ZNF713: variants seen among roughly 807,000 people sequenced by gnomAD.
The protein encoded by ZNF713 is zinc finger protein 713.
ZNF713 carries 21 observed loss-of-function variants against 28.7 expected under a neutral mutation model. That is an observed-to-expected ratio of 0.73 (90% CI 0.52 to 1.05). ZNF713 has a LOEUF of 1.05. Ranked by LOEUF, ZNF713 falls within the 50% of genes least tolerant of loss-of-function variation. ZNF713 has a pLI of 0.00. For synonymous variants in ZNF713, 167 were observed against 178.0 expected, an observed-to-expected ratio of 0.94 and a Z score of 0.49; for missense variants, 458 against 532.4, an observed-to-expected ratio of 0.86 and a Z score of 1.37.
chr7:55,920,973 G>A (rs1304482139), intron 4 of ZNF713, among the ~76,000 whole-genome samples: 1 of 152,020 alleles, frequency 6.6e-6, no homozygotes. Context: ...TCAGAAGACA[G>A]GCTGACTTCT....
chr7:55,929,147 A>G (rs999800671), intron 6 of ZNF713, among the ~76,000 whole-genome samples: 1 of 152,078 alleles, frequency 6.6e-6, no homozygotes, highest in Non-Finnish European at 1.5e-5. Flanking sequence ...AAAATAAAAA[A>G]CGTGCCTACA....
In ZNF713 at chr7:55,940,368, C is replaced by A. The variant is rs1183961791; in HGVS notation, c.*362C>A. 7.1e-6 allele frequency: 6 copies of A among 847,656 alleles called. No homozygotes were observed. The highest frequency in any genetic ancestry group is 7.1e-6 in the Non-Finnish European group (5 of 701,084). The allele number at this position is 847,656 out of a possible 1,614,324, so 52.5% of individuals were successfully genotyped here. ...CGAACTCCTAACCTCAGGTGATCCG[C>A]CCACCTCGGCCTCCCAAAGTGCTGG... On this transcript the variant is annotated 3_prime_UTR_variant, in exon 7 of 7. Transcript: ENST00000429591.
rs1785789689 is a variant in ZNF713, at chr7:55,911,846, C to G, written c.-225C>G. ...TGGCTATCCATTGGCTCCTGAGGCT[C>G]TAATCAGAGATGGGGCACCTTTAGT... On this transcript the variant is annotated 5_prime_UTR_variant, in exon 3 of 7. Transcript: ENST00000429591. 1 of 152,184 alleles carries G rather than the reference C, an allele frequency of 6.6e-6. No homozygotes were observed. The highest frequency in any genetic ancestry group is 2.1e-4 in the South Asian group (1 of 4,836). 9.4% of individuals were successfully genotyped at this position (152,184 alleles called of 1,614,324 possible).
chr7:55,901,284 ACT>A (rs1785571558), intron 1 of ZNF713, among the ~76,000 whole-genome samples: 1 of 151,724 alleles, frequency 6.6e-6, no homozygotes, highest in Non-Finnish European at 1.5e-5. Flanking sequence ...ATGCAGAGAA[ACT>A]CTAGCTTATA....
intron 4 of ZNF713, chr7:55,918,136 G>A (rs376163854): frequency 2.2e-6 from 1 of 456,644 alleles, no homozygotes; most frequent in East Asian, 6.9e-5. Context: ...ATAAATGGCA[G>A]TAAGACTTCT....
At chr7:55,901,501 A>T (rs1554335621) in intron 1 of ZNF713, among the ~76,000 whole-genome samples, 1 of 152,226 alleles carries the variant, frequency 6.6e-6, no homozygotes, top group Non-Finnish European at 1.5e-5. Flanking sequence ...AATATATATA[A>T]TTATTTGTCA....
chr7:55,897,445 A>G (rs1418870414), intron 1 of ZNF713, among the ~76,000 whole-genome samples: 1 of 151,660 alleles, frequency 6.6e-6, no homozygotes, highest in African/African-American at 2.4e-5. Context: ...ACACCCAGCT[A>G]ATTTTTTCTT....
intron 6 of ZNF713, among the ~76,000 whole-genome samples, chr7:55,931,527 TC>T (rs1373614542): frequency 2.6e-5 from 4 of 152,032 alleles, no homozygotes; most frequent in Admixed American, 6.6e-5. Context: ...AAAATTGTTT[TC>T]CCCCTTCCCT....
chr7:55,924,406 G>C (rs559082664), intron 6 of ZNF713: 7 of 152,410 alleles, frequency 4.6e-5, no homozygotes, highest in East Asian at 1.9e-4. Context: ...GCCTCTCTCT[G>C]TATCTCCCTC....
chr7:55,929,632 G>T (rs553873534), intron 6 of ZNF713, among the ~76,000 whole-genome samples: 29 of 151,950 alleles, frequency 1.9e-4, no homozygotes, highest in Non-Finnish European at 2.8e-4. Context: ...GCGCACACCT[G>T]TAGTCCCAGC....
At chr7:55,907,412 C>T (rs1202579005) in intron 2 of ZNF713, among the ~76,000 whole-genome samples, 3 of 152,164 alleles carry the variant, frequency 2.0e-5, no homozygotes, top group Non-Finnish European at 4.4e-5. Context: ...CATTAAAGGG[C>T]TTCATCCTGA....
intron 2 of ZNF713, among the ~76,000 whole-genome samples, chr7:55,910,003 A>G (rs533048477): frequency 3.8e-4 from 56 of 147,708 alleles, no homozygotes; most frequent in Admixed American, 1.0e-3. Context: ...ATATACGTTT[A>G]TGTGTGTGTG....
intron 1 of ZNF713, among the ~76,000 whole-genome samples, chr7:55,900,469 A>C (rs1164024156): frequency 7.3e-6 from 1 of 137,276 alleles, no homozygotes; most frequent in Non-Finnish European, 1.7e-5. Flanking sequence ...CTCCATTTCA[A>C]AAAAAAAAAA....
chr7:55,919,489 A>AGTTTTTTTT lies in ZNF713; in HGVS notation c.88-3672_88-3664dup, dbSNP rs1562743488. Among the ~76,000 whole-genome samples, 43 of 60,284 alleles carry AGTTTTTTTT rather than the reference A, an allele frequency of 7.1e-4. 4 individuals carry two copies. The highest frequency in any genetic ancestry group is 2.0e-3 in the African/African-American group (39 of 19,190). 39.5% of individuals were successfully genotyped at this position (60,284 alleles called of 152,430 possible). A position where few individuals can be genotyped will look rare whatever the true frequency, so the allele number is the denominator to read the frequency against. On this transcript the variant is annotated intron_variant, in intron 4 of 6. Transcript: ENST00000429591. ...AGCTGGATAAATTGGTAAACACTCC[A>AGTTTTTTTT]GTTTTTTTTTTTTTTTTTTTTTTTT...
At chr7:55,926,808 GC>G (rs1379983117) in intron 6 of ZNF713, among the ~76,000 whole-genome samples, 1 of 152,168 alleles carries the variant, frequency 6.6e-6, no homozygotes, top group Non-Finnish European at 1.5e-5. Context: ...AAAAATTAGA[GC>G]TAGCAAGTGT....
rs1785518048 is a variant in ZNF713, at chr7:55,898,691, T to C, written c.-582-7562T>C. Among the ~76,000 whole-genome samples the C allele has an allele frequency of 2.0e-5, 3 of 152,158 alleles. No individual in the cohort carries two copies. The South Asian group carries it at 6.2e-4, about 31-fold the overall frequency. On this transcript the variant is annotated intron_variant, in intron 1 of 6. Coordinates refer to ENST00000429591, the MANE Select transcript of ZNF713 (RefSeq NM_182633.3). ...AAATCCAAACCATATCAAGGACTAA[T>C]ATCCAAAATATATAAGGAACTCAGT...
intron 1 of ZNF713, among the ~76,000 whole-genome samples, chr7:55,893,382 G>C (rs1443721292): frequency 6.6e-6 from 1 of 152,126 alleles, no homozygotes; most frequent in African/African-American, 2.4e-5. Context: ...GATTCTCCTT[G>C]TTCTCTTTGG....
intron 6 of ZNF713, among the ~76,000 whole-genome samples, chr7:55,930,286 G>A (rs1786185322): frequency 6.6e-6 from 1 of 152,168 alleles, no homozygotes; most frequent in South Asian, 2.1e-4. Flanking sequence ...ATTAGCAAAA[G>A]TTGAAAAGTT....
At chr7:55,906,856 C>T (rs1785688702) in intron 2 of ZNF713, among the ~76,000 whole-genome samples, 1 of 152,272 alleles carries the variant, frequency 6.6e-6, no homozygotes, top group Admixed American at 6.5e-5. Flanking sequence ...TAAAGTAATT[C>T]ATTTGCATAC....
Sources: allele counts gnomAD v4.1 joint callset (sites outside exome capture counted in the v4.1 genomes callset), GRCh38; gene constraint gnomAD v4.1.1; transcripts MANE v1.5; gene names NCBI Gene and HGNC (gene_info 2026-07-23, HGNC 2026-07-21).